Variants in RNF17 observed in about 807,000 individuals in gnomAD.
The protein encoded by RNF17 is spermatogenesis associated 23.
Under a neutral mutation model 200.5 loss-of-function variants are expected in RNF17, and 31 were observed. The ratio of observed to expected loss-of-function variants is 0.15; its 90% CI spans 0.12 to 0.21. The LOEUF (loss-of-function observed/expected upper bound fraction) is 0.21, where lower values mean the gene tolerates loss of function less well. RNF17 is among the 10% of genes least tolerant of loss of function. RNF17 has a pLI of 1.00. For synonymous variants in RNF17, 606 were observed against 637.8 expected, an observed-to-expected ratio of 0.95 and a Z score of 0.75; for missense variants, 1,628 against 1,905.1, an observed-to-expected ratio of 0.85 and a Z score of 2.71.
chr13:24,796,576 A>G (rs181694495), intron 11 of RNF17, among the ~76,000 whole-genome samples: 8 of 152,302 alleles, frequency 5.3e-5, no homozygotes, highest in Admixed American at 5.2e-4. Context: ...CAGATTATAT[A>G]GCCTGTCCCC....
chr13:24,868,714 G>A lies in RNF17; in HGVS notation c.4276G>A (p.Glu1426Lys). ...VQVKHVVSPN[E>K]VYICLDSIET... ...AGTTAAGCACGTTGTCTCACCTAAT[G>A]AAGTATGTGATCTAAATGATTAGTT... Residue 1426 changes from glutamate to lysine, a missense_variant and splice_region_variant, in exon 31 of 36, where the codon GAA (glutamate) becomes AAA (lysine). Physicochemically the swap from Glu to Lys is moderately conservative, Grantham distance 56. Transcript: ENST00000255324. 6.9e-7 allele frequency: 1 copy of A among 1,442,144 alleles called. No individual in the cohort carries two copies. The highest frequency in any genetic ancestry group is 9.8e-7 in the Non-Finnish European group (1 of 1,024,024). 89.3% of individuals were successfully genotyped at this position (1,442,144 alleles called of 1,614,324 possible).
In RNF17 at chr13:24,868,725, T is replaced by C; in HGVS notation, c.4278+9T>C. On this transcript the variant is annotated intron_variant, in intron 31 of 35. Coordinates refer to ENST00000255324, the MANE Select transcript of RNF17 (RefSeq NM_031277.3). ...TTGTCTCACCTAATGAAGTATGTGA[T>C]CTAAATGATTAGTTGGTGATTAAAA... is the stretch of plus-strand genomic sequence containing the variant. 3.0e-6 allele frequency: 4 copies of C among 1,318,208 alleles called. No homozygotes were observed. The highest frequency in any genetic ancestry group is 4.4e-6 in the Non-Finnish European group (4 of 911,780). 81.7% of individuals were successfully genotyped at this position (1,318,208 alleles called of 1,614,324 possible). A position where few individuals can be genotyped will look rare whatever the true frequency, so the allele number is the denominator to read the frequency against.
chr13:24,804,222 C>CT, intron 14 of RNF17, 66 bp from the exon 15 acceptor site: 3 of 1,461,866 alleles, frequency 2.1e-6, no homozygotes, highest in Non-Finnish European at 2.8e-6. Context: ...ATGATAGCAC[C>CT]ACTGCACTCC....
At chr13:24,829,386 CATCT>C (rs1378884522) in intron 16 of RNF17, among the ~76,000 whole-genome samples, 2 of 152,104 alleles carry the variant, frequency 1.3e-5, no homozygotes, top group African/African-American at 4.8e-5. Flanking sequence ...TTTCCATATC[CATCT>C]ATTTGTTTAA....
intron 2 of RNF17, among the ~76,000 whole-genome samples, chr13:24,773,886 C>T (rs1361788459): frequency 3.9e-5 from 6 of 152,030 alleles, no homozygotes; most frequent in Non-Finnish European, 5.9e-5. Flanking sequence ...TGTTGCATTT[C>T]CTTCTGCCTT....
intron 3 of RNF17, among the ~76,000 whole-genome samples, chr13:24,776,840 A>G (rs1398057087): frequency 6.6e-6 from 1 of 152,074 alleles, no homozygotes; most frequent in African/African-American, 2.4e-5. Context: ...TTTTTTCTCA[A>G]GACAAACTCG....
intron 25 of RNF17, among the ~76,000 whole-genome samples, chr13:24,858,767 T>C (rs1892786281): frequency 6.6e-6 from 1 of 152,094 alleles, no homozygotes; most frequent in Non-Finnish European, 1.5e-5. Flanking sequence ...CATATTAAGC[T>C]AGCTGGTATG....
At chr13:24,883,868 C>T (rs775846280), downstream of RNF17, 1 of 1,405,508 alleles carries the variant, frequency 7.1e-7, no homozygotes, top group African/African-American at 1.4e-5. Flanking sequence ...ATGGGTGTCA[C>T]ATATCATCAG....
At chr13:24,751,226 C>T in the RNF17 span, 1 of 151,974 alleles carries the variant, frequency 6.6e-6, no homozygotes, top group Non-Finnish European at 1.5e-5. Context: ...TAAGTTTTCG[C>T]ACCTTGATTT....
rs142980790 is a variant in RNF17 at position 24,865,018 on chromosome 13, A to G, written c.4101+20A>G. On this transcript the variant is annotated intron_variant, in intron 29 of 35. Coordinates refer to ENST00000255324, the MANE Select transcript of RNF17 (RefSeq NM_031277.3). Reference sequence around the variant, plus strand: ...AAAGAAGTAAGTGCACTATTTTTCTATAAAAATCTAAAGTGTAGAAAAGTC... The same window carrying G: ...AAAGAAGTAAGTGCACTATTTTTCTGTAAAAATCTAAAGTGTAGAAAAGTC... 1,355 of 1,522,904 alleles carry G rather than the reference A, an allele frequency of 8.9e-4. 9 individuals carry two copies. In the African/African-American group the frequency reaches 0.016, roughly 18 times the overall value. The allele number at this position is 1,522,904 out of a possible 1,614,324, so 94.3% of individuals were successfully genotyped here.
At chr13:24,884,175 G>A, downstream of RNF17, 1 of 1,614,134 alleles carries the variant, frequency 6.2e-7, no homozygotes, top group South Asian at 1.1e-5. Context: ...TTGTCCACTT[G>A]AGAAATGTAA....
chr13:24,774,152 T>A (rs921335783), intron 2 of RNF17, among the ~76,000 whole-genome samples: 18 of 152,220 alleles, frequency 1.2e-4, no homozygotes, highest in African/African-American at 4.3e-4. Context: ...CACATGATTT[T>A]AAAAAGTTTT....
chr13:24,815,354 T>G (rs748265000), intron 15 of RNF17, among the ~76,000 whole-genome samples: 33 of 152,080 alleles, frequency 2.2e-4, no homozygotes, highest in Admixed American at 1.4e-3. Flanking sequence ...ACTAATGTAT[T>G]AAAACACAAC....
chr13:24,845,315 T>G (rs1207664206), intron 22 of RNF17, among the ~76,000 whole-genome samples: 3 of 152,152 alleles, frequency 2.0e-5, no homozygotes, highest in Non-Finnish European at 4.4e-5. Flanking sequence ...AAATTTTACT[T>G]TGAGGAACAA....
chr13:24,748,739 TTTTTTTG>T, the RNF17 span, among the ~76,000 whole-genome samples: 1 of 134,098 alleles, frequency 7.5e-6, no homozygotes, highest in East Asian at 2.0e-4. Context: ...TGGTGGTGGT[TTTTTTTG>T]TTTTTTGTTT....
At chr13:24,814,888 T>A (rs1887192263) in intron 15 of RNF17, among the ~76,000 whole-genome samples, 1 of 152,244 alleles carries the variant, frequency 6.6e-6, no homozygotes, top group East Asian at 1.9e-4. Flanking sequence ...CCCCAAGAAA[T>A]ATAGTATGAT....
downstream of RNF17, chr13:24,883,223 C>T (rs897346880): frequency 1.2e-5 from 19 of 1,613,962 alleles, no homozygotes; most frequent in Non-Finnish European, 1.5e-5. Flanking sequence ...GTCCTTAACT[C>T]TTATCCGACC....
At chr13:24,826,176 T>C in intron 16 of RNF17, 1 of 731,144 alleles carries the variant, frequency 1.4e-6, no homozygotes, top group Non-Finnish European at 1.7e-6. Context: ...CTGGGAATTA[T>C]TGACTGAACT....
intron 25 of RNF17, among the ~76,000 whole-genome samples, chr13:24,858,327 T>C (rs1892740237): frequency 6.6e-6 from 1 of 152,222 alleles, no homozygotes; most frequent in Non-Finnish European, 1.5e-5. Context: ...TTGTTCAAAC[T>C]AGTAGCCTGT....
Sources: gnomAD v4.1 joint callset for allele counts (sites outside exome capture counted in the v4.1 genomes callset) on GRCh38, gnomAD v4.1.1 for gene constraint, MANE v1.5 for transcripts, NCBI Gene and HGNC (gene_info 2026-07-23, HGNC 2026-07-21) for gene names.